The following GNG12 variants were observed in gnomAD, a reference collection of about 807,000 sequenced individuals.
GNG12 encodes the protein guanine nucleotide-binding protein G(I)/G(S)/G(O) subunit gamma-12.
For missense variants in GNG12, 69 were observed against 83.8 expected (o/e 0.82, Z 0.69); for synonymous variants, 28 against 29.7 (o/e 0.94, Z 0.19).
At chr1:67,709,665 G>A (rs1646269875) in intron 2 of GNG12, among the ~76,000 whole-genome samples, 1 of 150,564 alleles carries the variant, frequency 6.6e-6, no homozygotes, top group Non-Finnish European at 1.5e-5. Context: ...GGGTCTCTCT[G>A]ATTCTGCTCA....
intron 2 of GNG12, among the ~76,000 whole-genome samples, chr1:67,718,648 T>C (rs1332638768): frequency 6.6e-6 from 1 of 151,856 alleles, no homozygotes; most frequent in Non-Finnish European, 1.5e-5. Context: ...ACCTGAGTCT[T>C]GGCTCTCTGC....
chr1:67,726,000 T>C (rs1189653707), intron 2 of GNG12, among the ~76,000 whole-genome samples: 1 of 152,202 alleles, frequency 6.6e-6, no homozygotes, highest in African/African-American at 2.4e-5. Context: ...TTGTTAAGTT[T>C]TACTCACTCA....
chr1:67,792,359 C>G (rs1349079650), intron 1 of GNG12, among the ~76,000 whole-genome samples: 2 of 152,150 alleles, frequency 1.3e-5, no homozygotes, highest in African/African-American at 2.4e-5. Flanking sequence ...TTTTATTGAA[C>G]TTGATTTTTC....
chr1:67,790,574 G>A (rs958330938), intron 1 of GNG12, among the ~76,000 whole-genome samples: 1 of 150,590 alleles, frequency 6.6e-6, no homozygotes. Context: ...CAACTTGATC[G>A]TAAGGTCCCC....
intron 2 of GNG12, among the ~76,000 whole-genome samples, chr1:67,738,880 T>C (rs901791355): frequency 6.6e-6 from 1 of 152,086 alleles, no homozygotes; most frequent in African/African-American, 2.4e-5. Flanking sequence ...CCTTGGCTTT[T>C]AAAACAACAG....
chr1:67,824,035 G>A (rs998165072), intron 1 of GNG12, among the ~76,000 whole-genome samples: 29 of 152,278 alleles, frequency 1.9e-4, no homozygotes, highest in African/African-American at 6.5e-4. Flanking sequence ...GTAAGGTAAA[G>A]AAGAGTATAT....
rs76580037 is a variant in GNG12 at position 67,707,224 on chromosome 1, C to T, written c.93+370G>A. On this transcript the variant is annotated intron_variant, in intron 3 of 3. Coordinates refer to ENST00000370982, the MANE Select transcript of GNG12 (RefSeq NM_018841.6). ...TTCTTACGTGAAGCTGCCTCAGCTG[C>T]ACTGATAATTCTAGAACACTTAAAT... 4.2e-3 allele frequency among the ~76,000 whole-genome samples: 644 copies of T among 152,326 alleles called. 4 individuals carry two copies. Among genetic ancestry groups the T allele is most frequent in the African/African-American group, 0.015 (616 of 41,566 alleles).
At chr1:67,796,798 T>TA (rs1557620810) in intron 1 of GNG12, among the ~76,000 whole-genome samples, 1 of 152,080 alleles carries the variant, frequency 6.6e-6, no homozygotes. Flanking sequence ...ATAATTTAGA[T>TA]AAAAAAAGAG....
chr1:67,748,050 G>C (rs1031067839), intron 2 of GNG12, among the ~76,000 whole-genome samples: 1 of 152,162 alleles, frequency 6.6e-6, no homozygotes, highest in African/African-American at 2.4e-5. Flanking sequence ...CTAATCTTCA[G>C]AGGACAAATA....
intron 2 of GNG12, among the ~76,000 whole-genome samples, chr1:67,739,449 G>A (rs896673474): frequency 4.6e-5 from 7 of 152,186 alleles, no homozygotes; most frequent in Non-Finnish European, 1.0e-4. Flanking sequence ...CTATGTGGTA[G>A]GTCCCATATA....
chr1:67,705,648 T>G, intron 3 of GNG12, 72 bp from the exon 4 acceptor site: 1 of 1,521,964 alleles, frequency 6.6e-7, no homozygotes, highest in South Asian at 1.3e-5. Context: ...CGTATTTGAA[T>G]GCTAGGCTAT....
intron 1 of GNG12, among the ~76,000 whole-genome samples, chr1:67,811,024 C>A (rs1395188128): frequency 1.3e-5 from 2 of 152,146 alleles, no homozygotes; most frequent in Admixed American, 6.5e-5. Flanking sequence ...GTTAAAAATG[C>A]AAATTTTCAA....
chr1:67,737,933 A>G (rs956614684), intron 2 of GNG12, among the ~76,000 whole-genome samples: 1 of 152,014 alleles, frequency 6.6e-6, no homozygotes, highest in African/African-American at 2.4e-5. Flanking sequence ...TTTCAGTGTC[A>G]AGCTTTATTA....
intron 1 of GNG12, among the ~76,000 whole-genome samples, chr1:67,818,684 G>A (rs1344411116): frequency 6.6e-6 from 1 of 152,040 alleles, no homozygotes; most frequent in Non-Finnish European, 1.5e-5. Flanking sequence ...ATTGTGGAGA[G>A]CCACAAGAAA....
chr1:67,787,672 G>C (rs564297569), intron 1 of GNG12, among the ~76,000 whole-genome samples: 39 of 152,260 alleles, frequency 2.6e-4, no homozygotes, highest in African/African-American at 9.1e-4. Context: ...GTCAATGCTG[G>C]TTTCCAATTC....
chr1:67,770,615 A>T (rs1007810155), intron 2 of GNG12, among the ~76,000 whole-genome samples: 5 of 152,134 alleles, frequency 3.3e-5, no homozygotes, highest in Non-Finnish European at 7.4e-5. Context: ...AGGGATGGCA[A>T]CAGCAGCAGG....
At chr1:67,779,526 CTT>C (rs1557614654) in intron 1 of GNG12, among the ~76,000 whole-genome samples, 1 of 151,846 alleles carries the variant, frequency 6.6e-6, no homozygotes, top group Non-Finnish European at 1.5e-5. Context: ...TGCACACCCC[CTT>C]ATGCCTTTGT....
At chr1:67,778,858 T>C (rs1435987952) in intron 1 of GNG12, among the ~76,000 whole-genome samples, 1 of 152,182 alleles carries the variant, frequency 6.6e-6, no homozygotes, top group Admixed American at 6.5e-5. Flanking sequence ...TCTGCTCTCA[T>C]GATAACATGG....
chr1:67,784,746 G>A (rs977051628), intron 1 of GNG12, among the ~76,000 whole-genome samples: 13 of 152,062 alleles, frequency 8.5e-5, no homozygotes, highest in African/African-American at 2.4e-4. Flanking sequence ...CAAAACTTAC[G>A]CAATTTTAAG....
Sources: allele counts gnomAD v4.1 joint callset (sites outside exome capture counted in the v4.1 genomes callset), GRCh38; gene constraint gnomAD v4.1.1; transcripts MANE v1.5; gene names NCBI Gene and HGNC (gene_info 2026-07-23, HGNC 2026-07-21).